LSAMP: variants seen among roughly 807,000 people sequenced by gnomAD.
The protein encoded by LSAMP is limbic system-associated membrane protein.
A neutral mutation model predicts 38.6 loss-of-function variants in LSAMP; 7 were observed. The ratio of observed to expected loss-of-function variants is 0.18; its 90% CI spans 0.10 to 0.34. The LOEUF (loss-of-function observed/expected upper bound fraction) is 0.34, where lower values mean the gene tolerates loss of function less well. LSAMP is among the 10% of genes least tolerant of loss of function. The probability of loss-of-function intolerance (pLI) is 1.00; values close to 1 mark genes in which losing one functional copy is unlikely to be tolerated. For synonymous variants in LSAMP, 154 were observed against 166.8 expected, an observed-to-expected ratio of 0.92 and a Z score of 0.59; for missense variants, 313 against 420.0, an observed-to-expected ratio of 0.75 and a Z score of 2.23.
chr3:116,031,310 A>G (rs1381850915), intron 2 of LSAMP, among the ~76,000 whole-genome samples: 2 of 152,086 alleles, frequency 1.3e-5, no homozygotes, highest in African/African-American at 4.8e-5. Context: ...GGATAAAACA[A>G]TAACAATTAT....
intron 1 of LSAMP, among the ~76,000 whole-genome samples, chr3:116,355,804 G>T (rs1276622771): frequency 6.6e-6 from 1 of 152,076 alleles, no homozygotes; most frequent in Non-Finnish European, 1.5e-5. Context: ...CATACAAATG[G>T]CAGACAAGTA....
At chr3:116,160,453 G>C (rs2141628) in intron 1 of LSAMP, among the ~76,000 whole-genome samples, 26,316 of 149,234 alleles carry the variant, frequency 0.18, 2,484 homozygotes, top group Admixed American at 0.22. Context: ...GAAGGAAGGA[G>C]AGAGAGAAAA....
chr3:116,368,310 A>G (rs1256360415), intron 1 of LSAMP: 1 of 152,214 alleles, frequency 6.6e-6, no homozygotes, highest in Non-Finnish European at 1.5e-5. Context: ...CGCATTTGCC[A>G]CAAGTCAGGC....
intron 1 of LSAMP, among the ~76,000 whole-genome samples, chr3:116,233,240 C>T (rs556162015): frequency 6.6e-6 from 1 of 151,586 alleles, no homozygotes; most frequent in African/African-American, 2.4e-5. Flanking sequence ...AGTGCAACCC[C>T]GTCTCTACTA....
intron 3 of LSAMP, among the ~76,000 whole-genome samples, chr3:115,891,437 A>G (rs1288780187): frequency 1.3e-5 from 2 of 152,042 alleles, no homozygotes; most frequent in Non-Finnish European, 2.9e-5. Flanking sequence ...GAGCTGAGCC[A>G]CGTCATCCCA....
chr3:116,201,106 G>A (rs1043832432), intron 1 of LSAMP, among the ~76,000 whole-genome samples: 6 of 152,196 alleles, frequency 3.9e-5, no homozygotes, highest in Non-Finnish European at 8.8e-5. Flanking sequence ...TGGGTTAGCT[G>A]TTTGATCCGC....
At chr3:116,357,472 C>A (rs578255946) in intron 1 of LSAMP, among the ~76,000 whole-genome samples, 2 of 151,980 alleles carry the variant, frequency 1.3e-5, no homozygotes, top group Admixed American at 6.6e-5. Context: ...AAAGCATGTA[C>A]AGATGACATC....
chr3:116,003,759 G>A (rs1233638042), intron 3 of LSAMP, among the ~76,000 whole-genome samples: 1 of 152,132 alleles, frequency 6.6e-6, no homozygotes, highest in Admixed American at 6.6e-5. Flanking sequence ...GGCAGAGACT[G>A]GAAATAAGCT....
chr3:115,911,225 G>A (rs919178604), intron 3 of LSAMP, among the ~76,000 whole-genome samples: 10 of 152,068 alleles, frequency 6.6e-5, no homozygotes, highest in African/African-American at 2.4e-4. Context: ...ATATACAGTT[G>A]TTTCTTCTTA....
chr3:116,197,016 G>A (rs1710898444), intron 1 of LSAMP, among the ~76,000 whole-genome samples: 1 of 152,114 alleles, frequency 6.6e-6, no homozygotes, highest in South Asian at 2.1e-4. Context: ...TAAATGAAAG[G>A]GCAGACTAGA....
At chr3:116,096,436 C>A (rs1022231293) in intron 1 of LSAMP, among the ~76,000 whole-genome samples, 1 of 152,206 alleles carries the variant, frequency 6.6e-6, no homozygotes, top group Non-Finnish European at 1.5e-5. Context: ...CTTGAGCTGT[C>A]TTGCATCTGA....
intron 1 of LSAMP, among the ~76,000 whole-genome samples, chr3:116,342,586 C>T (rs1015060777): frequency 6.6e-6 from 1 of 152,046 alleles, no homozygotes; most frequent in African/African-American, 2.4e-5. Context: ...ATGACATTCC[C>T]TAAGCTTTCA....
In LSAMP at chr3:116,060,198, G is replaced by GTTTTTTTT. The variant is rs55818433; in HGVS notation, c.388+26118_388+26125dup. Among the ~76,000 whole-genome samples, 655 of 141,982 alleles carry GTTTTTTTT rather than the reference G, an allele frequency of 4.6e-3. 6 individuals carry two copies. The highest frequency in any genetic ancestry group is 0.016 in the African/African-American group (608 of 37,170). The allele number at this position is 141,982 out of a possible 152,430, so 93.1% of individuals were successfully genotyped here. On this transcript the variant is annotated intron_variant, in intron 2 of 6. Coordinates refer to ENST00000490035, the MANE Select transcript of LSAMP (RefSeq NM_002338.5). Reference sequence around the variant, plus strand: ...TTGCCTAAGTCTTTAAAGCAACATAGTTTTTTTTTTTTTTACTAGCAGCAT... The same window carrying GTTTTTTTT: ...TTGCCTAAGTCTTTAAAGCAACATAGTTTTTTTTTTTTTTTTTTTTTTACTAGCAGCAT...
chr3:116,396,519 A>G (rs1290337655), intron 1 of LSAMP, among the ~76,000 whole-genome samples: 1 of 152,208 alleles, frequency 6.6e-6, no homozygotes, highest in Non-Finnish European at 1.5e-5. Flanking sequence ...CTTTGTAAAA[A>G]TACTACATCT....
intron 1 of LSAMP, among the ~76,000 whole-genome samples, chr3:116,342,693 A>G (rs1188600055): frequency 1.3e-5 from 2 of 152,104 alleles, no homozygotes; most frequent in Non-Finnish European, 2.9e-5. Context: ...GCTCAATTTA[A>G]TAGATATTTG....
Position 115,806,194 on chromosome 3 carries a change from T to C in LSAMP, c.*4123A>G, listed in dbSNP as rs1330896454. 2 of 152,230 alleles carry C rather than the reference T, an allele frequency of 1.3e-5. No homozygotes were observed. Among genetic ancestry groups the C allele is most frequent in the East Asian group, 1.9e-4 (1 of 5,202 alleles). The allele number at this position is 152,230 out of a possible 1,614,324, so 9.4% of individuals were successfully genotyped here. On this transcript the variant is annotated 3_prime_UTR_variant, in exon 7 of 7. Transcript: ENST00000490035. ...GAAAAAGTGGGGCTCTATGTCTTTC[T>C]ACGTGAGCATAGATTTTCTTTCTAA...
At chr3:116,421,543 T>TAA (rs113227325) in intron 1 of LSAMP, among the ~76,000 whole-genome samples, 79 of 136,424 alleles carry the variant, frequency 5.8e-4, no homozygotes, top group East Asian at 2.1e-3. Flanking sequence ...AGATTCTGTC[T>TAA]AAAAAAAAAA....
At chr3:116,241,942 A>AT (rs1189802489) in intron 1 of LSAMP, among the ~76,000 whole-genome samples, 3 of 152,230 alleles carry the variant, frequency 2.0e-5, no homozygotes, top group Non-Finnish European at 4.4e-5. Flanking sequence ...TCATCTTTAC[A>AT]TATCACTTTT....
intron 1 of LSAMP, among the ~76,000 whole-genome samples, chr3:116,376,485 C>A (rs978224466): frequency 6.6e-6 from 1 of 152,012 alleles, no homozygotes; most frequent in South Asian, 2.1e-4. Context: ...ATCCTTGAAA[C>A]CCCACAAACA....
Sources: gnomAD v4.1 joint callset for allele counts (sites outside exome capture counted in the v4.1 genomes callset) on GRCh38, gnomAD v4.1.1 for gene constraint, MANE v1.5 for transcripts, NCBI Gene and HGNC (gene_info 2026-07-23, HGNC 2026-07-21) for gene names.